Variants in RYR2 observed in about 807,000 individuals in gnomAD.
The protein encoded by RYR2 is ryanodine receptor 2.
Under a neutral mutation model 601.1 loss-of-function variants are expected in RYR2, and 227 were observed. The observed-to-expected ratio is 0.38, with a 90% CI of 0.34 to 0.42. The LOEUF is 0.42. Among genes scored for constraint, RYR2 ranks in the 10% least tolerant of loss-of-function variants. The pLI is 1.00. For missense variants in RYR2, 4,646 were observed against 6,156.5 expected (o/e 0.75, Z 8.21); for synonymous variants, 2,223 against 2,175.1 (o/e 1.02, Z -0.61).
At chr1:237,247,315 T>C (rs1386616754) in intron 1 of RYR2, among the ~76,000 whole-genome samples, 2 of 152,218 alleles carry the variant, frequency 1.3e-5, no homozygotes, top group African/African-American at 4.8e-5. Context: ...ACACTTTTCT[T>C]GTCATTTCCT....
intron 24 of RYR2, among the ~76,000 whole-genome samples, chr1:237,529,186 A>G (rs189771082): frequency 2.6e-5 from 4 of 152,168 alleles, no homozygotes; most frequent in Non-Finnish European, 4.4e-5. Context: ...AGTGTAATCT[A>G]TATTTGTTCC....
intron 12 of RYR2, among the ~76,000 whole-genome samples, chr1:237,424,513 A>G (rs1350112673): frequency 6.6e-6 from 1 of 152,198 alleles, no homozygotes; most frequent in Non-Finnish European, 1.5e-5. Context: ...TTAGATGAGG[A>G]AAAGATGTTA....
chr1:237,546,323 C>A (rs1438519593), intron 25 of RYR2, among the ~76,000 whole-genome samples: 1 of 152,118 alleles, frequency 6.6e-6, no homozygotes, highest in African/African-American at 2.4e-5. Flanking sequence ...ATTGGTAAAG[C>A]TTTTGTCTAC....
At chr1:237,801,376 A>AG (rs908819642) in intron 97 of RYR2, among the ~76,000 whole-genome samples, 1 of 150,156 alleles carries the variant, frequency 6.7e-6, no homozygotes, top group African/African-American at 2.5e-5. Flanking sequence ...ACAAAAAAAA[A>AG]AAAAAAAAAA....
At chr1:237,362,380 A>G (rs185849701) in intron 4 of RYR2, among the ~76,000 whole-genome samples, 111 of 152,292 alleles carry the variant, frequency 7.3e-4, no homozygotes, top group East Asian at 1.9e-4. Flanking sequence ...AATAAATCAA[A>G]TAGTTAATTT....
chr1:237,631,881 G>A (rs536262825), intron 42 of RYR2, among the ~76,000 whole-genome samples: 9 of 151,254 alleles, frequency 6.0e-5, no homozygotes, highest in African/African-American at 2.2e-4. Context: ...GCCCGCCTTG[G>A]CCTCCCCTCC....
At chr1:237,111,233 C>G (rs1669430699) in intron 1 of RYR2, among the ~76,000 whole-genome samples, 1 of 152,164 alleles carries the variant, frequency 6.6e-6, no homozygotes, top group South Asian at 2.1e-4. Context: ...TTGCCTCTTC[C>G]AACAGTTACA....
At chr1:237,580,172 T>TTTTTTTTTTA (rs1673742907) in intron 29 of RYR2, among the ~76,000 whole-genome samples, 2 of 149,180 alleles carry the variant, frequency 1.3e-5, no homozygotes, top group African/African-American at 2.5e-5. Context: ...TTTTTTTTTT[T>TTTTTTTTTTA]GAGACGGAGT....
At chr1:237,149,399 G>A (rs1443369043) in intron 1 of RYR2, among the ~76,000 whole-genome samples, 1 of 152,158 alleles carries the variant, frequency 6.6e-6, no homozygotes, top group African/African-American at 2.4e-5. Context: ...TACAAGCTTT[G>A]AGAAGTACAT....
intron 17 of RYR2, among the ~76,000 whole-genome samples, chr1:237,480,518 T>A (rs986912390): frequency 2.0e-5 from 3 of 152,210 alleles, no homozygotes; most frequent in African/African-American, 7.2e-5. Flanking sequence ...ATACCGTTAC[T>A]TGTTGTATAA....
intron 2 of RYR2, among the ~76,000 whole-genome samples, chr1:237,328,568 G>A (rs2149556139): frequency 6.6e-6 from 1 of 151,958 alleles, no homozygotes; most frequent in Non-Finnish European, 1.5e-5. Flanking sequence ...CCCATGATAG[G>A]AGGATGGCAG....
intron 1 of RYR2, among the ~76,000 whole-genome samples, chr1:237,103,398 A>T (rs148683556): frequency 6.6e-6 from 1 of 152,174 alleles, no homozygotes; most frequent in Non-Finnish European, 1.5e-5. Flanking sequence ...ATCCTCCTGT[A>T]GCCTGGTACT....
intron 80 of RYR2, 71 bp downstream of exon 80, chr1:237,742,420 T>A: frequency 9.0e-7 from 1 of 1,113,566 alleles, no homozygotes; most frequent in Admixed American, 2.1e-5. Flanking sequence ...ATAACTGACA[T>A]TTATGTTTCT....
intron 25 of RYR2, among the ~76,000 whole-genome samples, chr1:237,534,262 A>C (rs923629203): frequency 1.3e-5 from 2 of 152,090 alleles, no homozygotes; most frequent in African/African-American, 4.8e-5. Context: ...TGAGAAAACA[A>C]GCATCATGCT....
At chr1:237,443,203 T>G (rs933264836) in intron 13 of RYR2, among the ~76,000 whole-genome samples, 3 of 152,016 alleles carry the variant, frequency 2.0e-5, no homozygotes, top group Non-Finnish European at 4.4e-5. Flanking sequence ...TTTTCATGCT[T>G]TTTTTTTCTT....
intron 17 of RYR2, among the ~76,000 whole-genome samples, chr1:237,481,835 A>AG (rs1491524691): frequency 8.5e-6 from 1 of 117,938 alleles, no homozygotes; most frequent in Non-Finnish European, 1.7e-5. Context: ...AAAAAAAAAA[A>AG]CCACCTCCCA....
chr1:237,244,604 G>A (rs1193919265), intron 1 of RYR2, among the ~76,000 whole-genome samples: 6 of 152,154 alleles, frequency 3.9e-5, no homozygotes, highest in Non-Finnish European at 8.8e-5. Flanking sequence ...ACCTCCTCAA[G>A]CTGAAATATA....
chr1:237,539,877 T>G (rs984842226), intron 25 of RYR2, among the ~76,000 whole-genome samples: 1 of 152,066 alleles, frequency 6.6e-6, no homozygotes, highest in Non-Finnish European at 1.5e-5. Flanking sequence ...TAGCCAATTT[T>G]TGTGTACATC....
At chr1:237,260,814 C>T (rs570099201) in intron 1 of RYR2, among the ~76,000 whole-genome samples, 1 of 152,196 alleles carries the variant, frequency 6.6e-6, no homozygotes, top group South Asian at 2.1e-4. Context: ...CATGTTTGGA[C>T]AAAAATTCTT....
Sources: allele counts gnomAD v4.1 joint callset (sites outside exome capture counted in the v4.1 genomes callset), GRCh38; gene constraint gnomAD v4.1.1; transcripts MANE v1.5; gene names NCBI Gene and HGNC (gene_info 2026-07-23, HGNC 2026-07-21).